The following NTM variants were observed in gnomAD, a reference collection of about 807,000 sequenced individuals.
NTM encodes the protein IgLON family member 2.
NTM carries 13 observed loss-of-function variants against 42.1 expected under a neutral mutation model. The observed-to-expected ratio is 0.31, with a 90% CI of 0.20 to 0.49. The LOEUF (loss-of-function observed/expected upper bound fraction) is 0.49. Ranked by LOEUF, NTM falls within the 20% of genes least tolerant of loss-of-function variation. The pLI, the probability that NTM is intolerant of heterozygous loss-of-function variation, is 0.99. For synonymous variants in NTM, 187 were observed against 179.2 expected (o/e 1.04, Z -0.35); for missense variants, 373 against 452.8 (o/e 0.82, Z 1.60).
chr11:131,742,176 A>G (rs1313776048), intron 1 of NTM, among the ~76,000 whole-genome samples: 1 of 152,196 alleles, frequency 6.6e-6, no homozygotes, highest in East Asian at 1.9e-4. Flanking sequence ...TCCCCATGAC[A>G]CAAGTTTACC....
chr11:131,951,738 C>T (rs1460839843), intron 2 of NTM, among the ~76,000 whole-genome samples: 1 of 147,240 alleles, frequency 6.8e-6, no homozygotes, highest in African/African-American at 2.5e-5. Context: ...AGGAGAAATG[C>T]TTGAAACTGG....
At chr11:132,154,751 C>T (rs1394312242) in intron 3 of NTM, among the ~76,000 whole-genome samples, 4 of 152,208 alleles carry the variant, frequency 2.6e-5, no homozygotes, top group Admixed American at 6.5e-5. Flanking sequence ...TTTGAGGTGT[C>T]ACCACTTGGA....
At chr11:131,966,297 A>G (rs1344728018) in intron 2 of NTM, among the ~76,000 whole-genome samples, 13 of 152,186 alleles carry the variant, frequency 8.5e-5, no homozygotes. Flanking sequence ...GGCACTGCTA[A>G]AGGAGCCTAG....
At chr11:132,300,795 G>A (rs1017524756) in intron 4 of NTM, among the ~76,000 whole-genome samples, 1 of 152,182 alleles carries the variant, frequency 6.6e-6, no homozygotes, top group Non-Finnish European at 1.5e-5. Flanking sequence ...ACTGGCTCTG[G>A]TATTTCTTGG....
chr11:131,845,571 C>T lies in NTM; in HGVS notation c.83-65993C>T, dbSNP rs138702722. 6.6e-5 allele frequency among the ~76,000 whole-genome samples: 10 copies of T among 151,824 alleles called. No homozygotes were observed. The East Asian group carries it at 1.7e-3, about 27-fold the overall frequency. On this transcript the variant is annotated intron_variant, in intron 1 of 8. Coordinates refer to ENST00000683400, the MANE Select transcript of NTM (RefSeq NM_001352005.2). ...AATATGCATAAGCAAGTTTGAAAAG[C>T]TGGTTTACATTGTCCTTCAAATACC...
chr11:132,253,560 A>G (rs191512567), intron 4 of NTM, among the ~76,000 whole-genome samples: 19 of 152,338 alleles, frequency 1.2e-4, no homozygotes, highest in African/African-American at 3.8e-4. Context: ...GAAAACAAAA[A>G]TCTGAAAATT....
intron 1 of NTM, among the ~76,000 whole-genome samples, chr11:131,413,456 C>A (rs569224673): frequency 6.6e-5 from 10 of 152,320 alleles, no homozygotes; most frequent in Non-Finnish European, 8.8e-5. Context: ...CACGGCCCAA[C>A]CTTCCAACCC....
chr11:132,326,795 C>T (rs930244420), intron 7 of NTM, among the ~76,000 whole-genome samples: 1 of 152,160 alleles, frequency 6.6e-6, no homozygotes, highest in Non-Finnish European at 1.5e-5. Context: ...TGTGTTCATT[C>T]CCCCGCCTCC....
At chr11:131,452,371 G>A (rs192400053) in intron 1 of NTM, among the ~76,000 whole-genome samples, 2 of 152,294 alleles carry the variant, frequency 1.3e-5, no homozygotes, top group Non-Finnish European at 2.9e-5. Context: ...ACCTTTGAAG[G>A]CATCCTCTTT....
intron 2 of NTM, among the ~76,000 whole-genome samples, chr11:131,995,483 C>T (rs1319916878): frequency 1.3e-5 from 2 of 152,006 alleles, no homozygotes; most frequent in Non-Finnish European, 2.9e-5. Context: ...TCAAAGGAAG[C>T]TGTGCTGAGG....
At chr11:132,202,096 C>T (rs752545293) in intron 3 of NTM, among the ~76,000 whole-genome samples, 6 of 152,244 alleles carry the variant, frequency 3.9e-5, no homozygotes, top group African/African-American at 7.2e-5. Flanking sequence ...CGTTATTTCA[C>T]GTTTTGAGGA....
chr11:131,987,360 T>A (rs2066224290), intron 2 of NTM, among the ~76,000 whole-genome samples: 1 of 148,882 alleles, frequency 6.7e-6, no homozygotes, highest in Admixed American at 6.6e-5. Context: ...GCAAAACATG[T>A]TATTCTGTCC....
chr11:131,503,802 G>A (rs993222426), intron 1 of NTM, among the ~76,000 whole-genome samples: 1 of 152,074 alleles, frequency 6.6e-6, no homozygotes, highest in Non-Finnish European at 1.5e-5. Context: ...GAGCCACCAC[G>A]CCCCACTGAG....
chr11:132,055,572 G>A (rs769541490), intron 2 of NTM, among the ~76,000 whole-genome samples: 4 of 152,096 alleles, frequency 2.6e-5, no homozygotes, highest in Non-Finnish European at 5.9e-5. Context: ...GACAGTAAAC[G>A]TGCATTTTGA....
chr11:132,009,996 T>C (rs1185747203), intron 2 of NTM, among the ~76,000 whole-genome samples: 1 of 152,178 alleles, frequency 6.6e-6, no homozygotes, highest in Non-Finnish European at 1.5e-5. Context: ...CGAATACACG[T>C]TATATCAATT....
chr11:131,926,373 G>C (rs929003968), intron 2 of NTM, among the ~76,000 whole-genome samples: 2 of 152,164 alleles, frequency 1.3e-5, no homozygotes, highest in African/African-American at 4.8e-5. Context: ...GAAGTAAACT[G>C]TAGGTTAGGG....
intron 2 of NTM, among the ~76,000 whole-genome samples, chr11:132,070,605 G>T (rs1487047623): frequency 1.7e-5 from 2 of 115,566 alleles, no homozygotes; most frequent in Non-Finnish European, 3.6e-5. Flanking sequence ...ACCATCACAG[G>T]TTAGTTAACA....
At chr11:131,880,664 T>C (rs2049320502) in intron 1 of NTM, among the ~76,000 whole-genome samples, 1 of 152,182 alleles carries the variant, frequency 6.6e-6, no homozygotes, top group Non-Finnish European at 1.5e-5. Context: ...TTTCTGGTTG[T>C]TATCTATATT....
chr11:132,034,606 G>A (rs1402362029), intron 2 of NTM, among the ~76,000 whole-genome samples: 9 of 152,290 alleles, frequency 5.9e-5, no homozygotes, highest in Admixed American at 1.3e-4. Flanking sequence ...TAACTCTGTC[G>A]TGTTTCTCCA....
Sources: gnomAD v4.1 joint callset for allele counts (sites outside exome capture counted in the v4.1 genomes callset) on GRCh38, gnomAD v4.1.1 for gene constraint, MANE v1.5 for transcripts, NCBI Gene and HGNC (gene_info 2026-07-23, HGNC 2026-07-21) for gene names.